RASA1: variants seen among roughly 807,000 people sequenced by gnomAD.
The protein encoded by RASA1 is ras GTPase-activating protein 1.
RASA1 carries 25 observed loss-of-function variants against 132.2 expected under a neutral mutation model. That is an observed-to-expected ratio of 0.19 (90% CI 0.14 to 0.26). The LOEUF (loss-of-function observed/expected upper bound fraction) is 0.26, where lower values mean the gene tolerates loss of function less well. RASA1 is among the 10% of genes least tolerant of loss of function. The pLI, the probability that RASA1 is intolerant of heterozygous loss-of-function variation, is 1.00. For synonymous variants in RASA1, 477 were observed against 449.9 expected (o/e 1.06, Z -0.76); for missense variants, 964 against 1,299.2 (o/e 0.74, Z 3.97).
At chr5:87,353,939 CT>C (rs1404908639) in intron 9 of RASA1, among the ~76,000 whole-genome samples, 1 of 152,018 alleles carries the variant, frequency 6.6e-6, no homozygotes, top group Non-Finnish European at 1.5e-5. Context: ...GAAAAAGGTG[CT>C]TCAAAAGACG....
chr5:87,378,294 G>A, intron 17 of RASA1, 102 bp from the exon 18 acceptor site: 1 of 1,357,480 alleles, frequency 7.4e-7, no homozygotes, highest in Non-Finnish European at 1.1e-6. Flanking sequence ...GCACATTTAA[G>A]TGGCTATTCC....
At chr5:87,270,149 G>C (rs1011914601) in intron 1 of RASA1, among the ~76,000 whole-genome samples, 3 of 149,908 alleles carry the variant, frequency 2.0e-5, no homozygotes. Context: ...GGCTGAGGCA[G>C]AAGAATCGCT....
intron 12 of RASA1, among the ~76,000 whole-genome samples, chr5:87,370,376 C>G (rs1273850823): frequency 6.6e-6 from 1 of 152,174 alleles, no homozygotes; most frequent in Non-Finnish European, 1.5e-5. Flanking sequence ...TTTAGATTAG[C>G]TATTAATCCA....
chr5:87,326,456 T>C (rs539871564), intron 1 of RASA1, among the ~76,000 whole-genome samples: 1 of 152,202 alleles, frequency 6.6e-6, no homozygotes, highest in African/African-American at 2.4e-5. Context: ...CTGTAAGATT[T>C]CTCAACAAAA....
rs1484050792 is a variant in RASA1, at chr5:87,269,315, C to T, written c.539+325C>T. 2.3e-5 allele frequency: 35 copies of T among 1,535,250 alleles called. No individual in the cohort carries two copies. The Admixed American group carries it at 6.7e-4, about 29-fold the overall frequency. ...GGTGTCCCAGAATTTAGTCAAACTG[C>T]GGCTACCAAGGCAGTCATAGTGTAT... On this transcript the variant is annotated intron_variant, in intron 1 of 24. Transcript: ENST00000274376.
chr5:87,380,480 G>A (rs1260803001), intron 19 of RASA1, 29 bp from the exon 20 acceptor site: 1 of 1,561,948 alleles, frequency 6.4e-7, no homozygotes, highest in Non-Finnish European at 8.8e-7. Flanking sequence ...CTTGCTTTCT[G>A]TGTTGAGATG....
chr5:87,311,339 A>G (rs1158790381), intron 1 of RASA1, among the ~76,000 whole-genome samples: 1 of 152,174 alleles, frequency 6.6e-6, no homozygotes, highest in Admixed American at 6.5e-5. Context: ...CTTTGTATCT[A>G]CAACTGTGAC....
At chr5:87,372,577 A>G (rs544521646) in intron 13 of RASA1, among the ~76,000 whole-genome samples, 13 of 152,332 alleles carry the variant, frequency 8.5e-5, no homozygotes, top group African/African-American at 3.1e-4. Flanking sequence ...TTCATTTTGA[A>G]GAACAGCTTT....
intron 6 of RASA1, 79 bp from the exon 7 acceptor site, chr5:87,346,593 A>G (rs936729487): frequency 1.7e-5 from 14 of 829,768 alleles, no homozygotes; most frequent in Non-Finnish European, 2.8e-5. Context: ...TAAACTTACT[A>G]TATTGGTTGT....
intron 1 of RASA1, among the ~76,000 whole-genome samples, chr5:87,300,565 C>T (rs1045324291): frequency 4.6e-5 from 7 of 152,050 alleles, no homozygotes; most frequent in Non-Finnish European, 8.8e-5. Context: ...GTAAGTTTAT[C>T]CTGCTTACTA....
At chr5:87,302,564 A>G (rs536734964) in intron 1 of RASA1, among the ~76,000 whole-genome samples, 46 of 150,760 alleles carry the variant, frequency 3.1e-4, no homozygotes, top group African/African-American at 1.1e-3. Context: ...TGTAACACAC[A>G]TAAAGCATAG....
chr5:87,342,653 A>G (rs916381614), intron 6 of RASA1, among the ~76,000 whole-genome samples: 12 of 152,216 alleles, frequency 7.9e-5, no homozygotes, highest in African/African-American at 2.7e-4. Flanking sequence ...TACGTGTGGT[A>G]ATAAATGGCA....
intron 16 of RASA1, 96 bp downstream of exon 16, chr5:87,376,661 G>C: frequency 7.0e-7 from 1 of 1,433,770 alleles, no homozygotes; most frequent in South Asian, 1.2e-5. Flanking sequence ...GTAATTCATA[G>C]CTTAGTAGCA....
chr5:87,268,266 G>A lies in RASA1; in HGVS notation c.-186G>A. The A allele has an allele frequency of 1.1e-6, 1 of 870,504 alleles. No individual in the cohort carries two copies. Among genetic ancestry groups the A allele is most frequent in the Non-Finnish European group, 1.7e-6 (1 of 591,764 alleles). The allele number at this position is 870,504 out of a possible 1,614,324, so 53.9% of individuals were successfully genotyped here. On this transcript the variant is annotated 5_prime_UTR_variant, in exon 1 of 25. Transcript: ENST00000274376. ...CACTTGGCTTCCCGTAACCCAGGCA[G>A]CTGGGGAGCCTGGGCTGTGGCCCTA...
At chr5:87,360,344 G>A (rs867157261) in intron 9 of RASA1, among the ~76,000 whole-genome samples, 73 of 152,056 alleles carry the variant, frequency 4.8e-4, no homozygotes, top group Middle Eastern at 3.4e-3. Flanking sequence ...CAGGCTGGGC[G>A]AACTCCTGAC....
At chr5:87,284,113 A>AC (rs1173650486) in intron 1 of RASA1, among the ~76,000 whole-genome samples, 1 of 152,058 alleles carries the variant, frequency 6.6e-6, no homozygotes, top group Non-Finnish European at 1.5e-5. Context: ...ACGAAACCCA[A>AC]TTTTTTTCTT....
intron 1 of RASA1, among the ~76,000 whole-genome samples, chr5:87,305,521 A>G (rs529179495): frequency 6.6e-5 from 10 of 152,336 alleles, no homozygotes; most frequent in African/African-American, 2.2e-4. Flanking sequence ...AACACCCCAT[A>G]CTATAAAAAC....
chr5:87,347,359 A>G (rs905758567), intron 7 of RASA1, among the ~76,000 whole-genome samples: 1 of 152,014 alleles, frequency 6.6e-6, no homozygotes, highest in Non-Finnish European at 1.5e-5. Context: ...ATTGACTTGT[A>G]TTGTGGTTTT....
chr5:87,386,823 C>T lies in RASA1; in HGVS notation c.2848-3C>T, dbSNP rs1254539286. ...CATATAACAGAAGCATTTTATTTTT[C>T]AGGAGCCCTACATGGAAGGTGTCAA... On this transcript the variant is annotated splice_polypyrimidine_tract_variant and splice_region_variant and intron_variant, in intron 22 of 24. Transcript: ENST00000274376. 6.2e-7 allele frequency: 1 copy of T among 1,611,884 alleles called. No homozygotes were observed. Among genetic ancestry groups the T allele is most frequent in the Admixed American group, 1.7e-5 (1 of 59,952 alleles).
Sources: gnomAD v4.1 joint callset for allele counts (sites outside exome capture counted in the v4.1 genomes callset) on GRCh38, gnomAD v4.1.1 for gene constraint, MANE v1.5 for transcripts, NCBI Gene and HGNC (gene_info 2026-07-23, HGNC 2026-07-21) for gene names.